The following GAK variants were observed in gnomAD, a reference collection of about 807,000 sequenced individuals.
GAK encodes cyclin-G-associated kinase.
A neutral mutation model predicts 143.9 loss-of-function variants in GAK; 79 were observed. That is an observed-to-expected ratio of 0.55 (90% CI 0.46 to 0.66). GAK has a LOEUF of 0.66. Among genes scored for constraint, GAK ranks in the 30% least tolerant of loss-of-function variants. The pLI is 0.00. For missense variants in GAK, 1,693 were observed against 1,779.7 expected, an observed-to-expected ratio of 0.95 and a Z score of 0.88; for synonymous variants, 881 against 765.5, an observed-to-expected ratio of 1.15 and a Z score of -2.49.
intron 2 of GAK, 113 bp from the exon 3 acceptor site, chr4:912,907 C>T (rs1053252001): frequency 1.3e-6 from 1 of 770,152 alleles, no homozygotes; most frequent in Non-Finnish European, 2.1e-6. Flanking sequence ...GTGTCTAATA[C>T]AGCTCCCCCC....
Sources: allele counts gnomAD v4.1 joint callset, GRCh38; gene constraint gnomAD v4.1.1; transcripts MANE v1.5; gene names NCBI Gene and HGNC (gene_info 2026-07-23, HGNC 2026-07-21).